The following KIF3A variants were observed in gnomAD, a reference collection of about 807,000 sequenced individuals.
The protein encoded by KIF3A is kinesin family member 3A, also known as kinesin-like protein KIF3A.
In KIF3A, 27 loss-of-function variants were observed where a neutral mutation model predicts 92.6. That is an observed-to-expected ratio of 0.29 (90% CI 0.21 to 0.40). KIF3A has a LOEUF of 0.40. Among genes scored for constraint, KIF3A ranks in the 10% least tolerant of loss-of-function variants. The pLI is 1.00. For synonymous variants in KIF3A, 250 were observed against 275.4 expected (o/e 0.91, Z 0.92); for missense variants, 581 against 872.6 (o/e 0.67, Z 4.21).
downstream of KIF3A, among the ~76,000 whole-genome samples, chr5:132,690,648 C>T (rs1208546537): frequency 3.2e-5 from 3 of 94,924 alleles, no homozygotes; most frequent in Non-Finnish European, 9.8e-5. Context: ...AAATTTCAGG[C>T]CGGGCGCGGT....
Position 132,726,424 on chromosome 5 carries a change from G to C in KIF3A, c.355C>G (p.Leu119Val), listed in dbSNP as rs1323299401. Residue 119 changes from leucine (L) to valine (V), a missense_variant, in exon 3 of 19, where the codon CTT becomes GTT. Around this residue, in one of 5 missense-constraint regions of KIF3A, gnomAD observed 217 missense variants for 299.7 expected, o/e 0.72. Transcript: ENST00000403231. Reference sequence around the variant, plus strand: ...AATGAATTGGGAATTATTCCTCTAAGTTCAGGAATAGCTCGAACACCTTCC... The same window carrying C: ...AATGAATTGGGAATTATTCCTCTAACTTCAGGAATAGCTCGAACACCTTCC... The part of the protein sequence containing the change: ...TMEGVRAIPE[L>V]RGIIPNSFAH... 6.2e-7 allele frequency: 1 copy of C among 1,612,786 alleles called. No individual in the cohort carries two copies. The highest frequency in any genetic ancestry group is 8.5e-7 in the Non-Finnish European group (1 of 1,179,010).
At chr5:132,727,851 A>G (rs561267603) in intron 2 of KIF3A, among the ~76,000 whole-genome samples, 1 of 152,192 alleles carries the variant, frequency 6.6e-6, no homozygotes, top group Non-Finnish European at 1.5e-5. Flanking sequence ...GCATATATGA[A>G]AACGGTTCCT....
At chr5:132,729,076 T>C (rs983940584) in intron 2 of KIF3A, among the ~76,000 whole-genome samples, 2 of 151,928 alleles carry the variant, frequency 1.3e-5, no homozygotes, top group African/African-American at 4.8e-5. Context: ...GGAGCTAAGC[T>C]AGGAGGGTGC....
intron 17 of KIF3A, 195 bp from the exon 18 acceptor site, chr5:132,699,490 G>A (rs1052972878): frequency 1.2e-5 from 8 of 640,640 alleles, no homozygotes; most frequent in African/African-American, 7.3e-5. Context: ...AAGAAGCCCT[G>A]ACACACTATA....
chr5:132,725,057 T>A (rs1193732187), intron 4 of KIF3A, among the ~76,000 whole-genome samples: 1 of 151,056 alleles, frequency 6.6e-6, no homozygotes, highest in Non-Finnish European at 1.5e-5. Flanking sequence ...TTGACAAGAA[T>A]GTTCCTGAGA....
chr5:132,706,479 A>C lies in KIF3A; in HGVS notation c.1301-20T>G, dbSNP rs1581070681. 1.0e-5 allele frequency: 16 copies of C among 1,540,116 alleles called. No individual in the cohort carries two copies. The highest frequency in any genetic ancestry group is 1.3e-5 in the Non-Finnish European group (15 of 1,142,700). On this transcript the variant is annotated intron_variant, in intron 10 of 18. Coordinates refer to ENST00000403231, the MANE Select transcript of KIF3A (RefSeq NM_001300791.2). Reference sequence around the variant, plus strand: ...CTTGATCTTGCAATAAGAAGTAGTAAGCAAATCGCAGACAGGAAGCAATAC... The same window carrying C: ...CTTGATCTTGCAATAAGAAGTAGTACGCAAATCGCAGACAGGAAGCAATAC...
intron 8 of KIF3A, among the ~76,000 whole-genome samples, chr5:132,713,335 C>T (rs2897442): frequency 0.51 from 78,235 of 151,994 alleles, 25,024 homozygotes; most frequent in Non-Finnish European, 0.73. Context: ...CAATGTAAAT[C>T]TCCTGGTTTC....
chr5:132,702,167 G>A lies in KIF3A; in HGVS notation c.1804C>T (p.Leu602=). The A allele has an allele frequency of 6.2e-7, 1 of 1,613,710 alleles. No homozygotes were observed. Among genetic ancestry groups the A allele is most frequent in the Non-Finnish European group, 8.5e-7 (1 of 1,179,660 alleles). Residue 602 remains leucine, a synonymous_variant, in exon 15 of 19, where the codon CTG becomes TTG. Transcript: ENST00000403231. ...CGGCTAAGTTGCCGAATGTTCTCCA[G>A]TAGGCCTTCAATTTCCCTCTGATGT... is the stretch of plus-strand genomic sequence containing the variant. The part of the protein sequence containing the change: ...QEHQREIEGL[L]ENIRQLSREL...
In KIF3A at chr5:132,711,096, C is replaced by T. The variant is rs200567840; in HGVS notation, c.1130-39G>A. 7.6e-6 allele frequency: 12 copies of T among 1,588,366 alleles called. No homozygotes were observed. In the African/African-American group the frequency reaches 9.4e-5, roughly 12 times the overall value. The stretch of plus-strand genomic sequence containing the variant: ...TTAATACAATGTTTTTTATCCTGTA[C>T]GAAGTCATTAGCTATTTAGGAAATA... On this transcript the variant is annotated intron_variant, in intron 8 of 18. Transcript: ENST00000403231.
chr5:132,715,729 A>C lies in KIF3A; in HGVS notation c.1129+28T>G. The C allele has an allele frequency of 2.6e-6, 4 of 1,551,764 alleles. No homozygotes were observed. The South Asian group carries it at 3.5e-5, about 13-fold the overall frequency. On this transcript the variant is annotated intron_variant, in intron 8 of 18. Transcript: ENST00000403231. The stretch of plus-strand genomic sequence containing the variant: ...TCAACAATGTATTTTTAGCCAACAT[A>C]AAGATTAATATTTTGAGGAAAAGCT...
intron 9 of KIF3A, 104 bp downstream of exon 9, chr5:132,710,855 T>G: frequency 6.8e-7 from 1 of 1,474,894 alleles, no homozygotes; most frequent in East Asian, 2.3e-5. Flanking sequence ...GTTCTAATTG[T>G]TATCTAATAT....
rs756892199 is a variant in KIF3A, at chr5:132,702,576, C to A, written c.1740G>T (p.Leu580=). 89 of 1,609,284 alleles carry A rather than the reference C, an allele frequency of 5.5e-5. No individual in the cohort carries two copies. The highest frequency in any genetic ancestry group is 7.3e-5 in the Non-Finnish European group (86 of 1,177,568). Residue 580 remains leucine (L), a synonymous_variant, in exon 14 of 19, where the codon CTG becomes CTT. Coordinates refer to ENST00000403231, the MANE Select transcript of KIF3A (RefSeq NM_001300791.2). ...AACCAACCTCTGACTTTGCAGCCAT[C>A]AGCATAGTCCAAACTTTCTTTAACT... is the stretch of plus-strand genomic sequence containing the variant. ...TKKLKKVWTM[L]MAAKSEMADL... is the part of the protein sequence containing the mutation.
intron 4 of KIF3A, among the ~76,000 whole-genome samples, chr5:132,724,803 AAAAAT>A (rs1753956257): frequency 3.7e-5 from 1 of 26,682 alleles, no homozygotes; most frequent in African/African-American, 1.4e-4. Context: ...AAAAAAAAAA[AAAAAT>A]ATATATATAT....
Position 132,706,523 on chromosome 5 carries a change from A to G in KIF3A, c.1301-64T>C, listed in dbSNP as rs1753218317. 18 of 1,316,440 alleles carry G rather than the reference A, an allele frequency of 1.4e-5. No individual in the cohort carries two copies. In the South Asian group the frequency reaches 2.5e-4, roughly 18 times the overall value. 81.5% of individuals were successfully genotyped at this position (1,316,440 alleles called of 1,614,324 possible). Reference sequence around the variant, plus strand: ...GCAATACGCACAGAGATGAGGAGGAAAAAAAGGAAAACATTATTTCTCTTG... The same window carrying G: ...GCAATACGCACAGAGATGAGGAGGAGAAAAAGGAAAACATTATTTCTCTTG... On this transcript the variant is annotated intron_variant, in intron 10 of 18. Coordinates refer to ENST00000403231, the MANE Select transcript of KIF3A (RefSeq NM_001300791.2).
At chr5:132,689,303 C>A (rs1752609416), downstream of KIF3A, among the ~76,000 whole-genome samples, 1 of 152,170 alleles carries the variant, frequency 6.6e-6, no homozygotes, top group African/African-American at 2.4e-5. Flanking sequence ...TGTAAAGGCA[C>A]AGGCTAACGG....
chr5:132,722,888 T>C (rs1354706802), intron 4 of KIF3A, among the ~76,000 whole-genome samples: 3 of 152,224 alleles, frequency 2.0e-5, no homozygotes, highest in Non-Finnish European at 1.5e-5. Flanking sequence ...TATGCCTCTA[T>C]TTTATTATGT....
rs1581054235 is a variant in KIF3A at position 132,693,219 on chromosome 5, G to C, written c.*3415C>G. 6.6e-6 allele frequency: 1 copy of C among 151,426 alleles called. No homozygotes were observed. Among genetic ancestry groups the C allele is most frequent in the African/African-American group, 2.4e-5 (1 of 41,192 alleles). The allele number at this position is 151,426 out of a possible 1,614,324, so 9.4% of individuals were successfully genotyped here. ...CTCCAGAAAGGAAATGAAATGGCTT[G>C]TCAAATGGATTCTATTCATGGGGCA... On this transcript the variant is annotated 3_prime_UTR_variant, in exon 19 of 19. Coordinates refer to ENST00000403231, the MANE Select transcript of KIF3A (RefSeq NM_001300791.2).
intron 2 of KIF3A, among the ~76,000 whole-genome samples, chr5:132,730,767 C>T (rs1022423071): frequency 2.0e-5 from 3 of 152,104 alleles, no homozygotes; most frequent in African/African-American, 7.2e-5. Context: ...GCACTCCAGC[C>T]TGGTCGACAG....
In KIF3A at chr5:132,711,124, T is replaced by C. The variant is rs146403302; in HGVS notation, c.1130-67A>G. ...AGTCATTAGCTATTTAGGAAATACC[T>C]ATATCAGCTTTCTTCCTCAGATTTT... On this transcript the variant is annotated intron_variant, in intron 8 of 18. Transcript: ENST00000403231. 1,254 of 1,414,486 alleles carry C rather than the reference T, an allele frequency of 8.9e-4. 1 individual carries two copies. Among genetic ancestry groups the C allele is most frequent in the Non-Finnish European group, 1.2e-3 (1,185 of 1,007,708 alleles). 87.6% of individuals were successfully genotyped at this position (1,414,486 alleles called of 1,614,324 possible).
Sources: gnomAD v4.1 joint callset for allele counts (sites outside exome capture counted in the v4.1 genomes callset) on GRCh38, gnomAD v4.1.1 for gene constraint, gnomAD v4.1.1 regional missense constraint, MANE v1.5 for transcripts, NCBI Gene and HGNC (gene_info 2026-07-23, HGNC 2026-07-21) for gene names.